Variants in BCL2 observed in about 807,000 individuals in gnomAD.
The protein encoded by BCL2 is BCL2 apoptosis regulator, also known as apoptosis regulator Bcl-2.
BCL2 carries 1 observed loss-of-function variant against 14.2 expected under a neutral mutation model. The ratio of observed to expected loss-of-function variants is 0.07; its 90% CI spans 0.02 to 0.33. The LOEUF is 0.33. BCL2 is among the 10% of genes least tolerant of loss of function. The probability of loss-of-function intolerance (pLI) is 0.99; values close to 1 mark genes in which losing one functional copy is unlikely to be tolerated. For missense variants in BCL2, 247 were observed against 305.9 expected, an observed-to-expected ratio of 0.81 and a Z score of 1.44; for synonymous variants, 151 against 137.2, an observed-to-expected ratio of 1.10 and a Z score of -0.70.
At chr18:63,213,312 T>A (rs1354645751) in intron 2 of BCL2, among the ~76,000 whole-genome samples, 1 of 152,214 alleles carries the variant, frequency 6.6e-6, no homozygotes, top group African/African-American at 2.4e-5. Flanking sequence ...TTAGTCAATA[T>A]GATTTGTGTC....
intron 2 of BCL2, among the ~76,000 whole-genome samples, chr18:63,239,403 A>G (rs1321072423): frequency 6.6e-6 from 1 of 152,210 alleles, no homozygotes; most frequent in African/African-American, 2.4e-5. Context: ...AGTTAATTCA[A>G]TAGATATTTG....
chr18:63,248,291 T>C (rs1911208342), intron 2 of BCL2, among the ~76,000 whole-genome samples: 1 of 152,258 alleles, frequency 6.6e-6, no homozygotes. Flanking sequence ...CCATCAGGCC[T>C]CTGGCTCATC....
intron 2 of BCL2, among the ~76,000 whole-genome samples, chr18:63,207,175 G>C (rs985229901): frequency 6.6e-6 from 1 of 152,220 alleles, no homozygotes; most frequent in Admixed American, 6.5e-5. Context: ...AAGAGGCACG[G>C]AGACCGCCAA....
At chr18:63,285,594 G>A (rs886391882) in intron 2 of BCL2, among the ~76,000 whole-genome samples, 9 of 152,206 alleles carry the variant, frequency 5.9e-5, no homozygotes, top group African/African-American at 2.2e-4. Flanking sequence ...GATGTGTTCA[G>A]GAGGCTTCTG....
rs369707569 is a variant in BCL2, at chr18:63,141,391, G to C, written c.586-12632C>G. ...ACCTGGCCTCAGACCCTCCTGCTGT[G>C]AGTTAGGAGGAGGCCTTTCTTGGCA... is the stretch of plus-strand genomic sequence containing the variant. On this transcript the variant is annotated intron_variant, in intron 2 of 2. Transcript: ENST00000333681. Among the ~76,000 whole-genome samples the C allele has an allele frequency of 5.9e-5, 9 of 151,932 alleles. No individual in the cohort carries two copies. The East Asian group carries it at 1.5e-3, about 26-fold the overall frequency.
intron 2 of BCL2, among the ~76,000 whole-genome samples, chr18:63,130,867 T>C (rs1346607402): frequency 6.6e-6 from 1 of 152,204 alleles, no homozygotes; most frequent in Non-Finnish European, 1.5e-5. Flanking sequence ...AGGGCTTGCC[T>C]TGAGCCATCC....
intron 2 of BCL2, among the ~76,000 whole-genome samples, chr18:63,294,277 C>T (rs1912738828): frequency 6.6e-6 from 1 of 152,032 alleles, no homozygotes; most frequent in South Asian, 2.1e-4. Context: ...AGGGAATGTG[C>T]TCCTGGGATG....
intron 2 of BCL2, among the ~76,000 whole-genome samples, chr18:63,307,431 C>T (rs1913179027): frequency 6.6e-6 from 1 of 152,230 alleles, no homozygotes. Flanking sequence ...GCAGTGACAG[C>T]TTGTGTTATT....
At chr18:63,235,059 C>T (rs1053419105) in intron 2 of BCL2, among the ~76,000 whole-genome samples, 10 of 152,130 alleles carry the variant, frequency 6.6e-5, no homozygotes, top group South Asian at 2.1e-4. Context: ...CCTGACTACT[C>T]GGTATGCAAA....
chr18:63,319,685 C>T lies in BCL2; in HGVS notation c.-798G>A. 4.6e-6 allele frequency: 1 copy of T among 217,608 alleles called. No individual in the cohort carries two copies. Among genetic ancestry groups the T allele is most frequent in the Non-Finnish European group, 9.3e-6 (1 of 108,036 alleles). The allele number at this position is 217,608 out of a possible 1,614,324, so 13.5% of individuals were successfully genotyped here. A position where few individuals can be genotyped will look rare whatever the true frequency, so the allele number is the denominator to read the frequency against. ...AACAGCAAATGCATTTTCCGAAAAG[C>T]TGCTGGATAAATGAAGGCAGGACGC... On this transcript the variant is annotated 5_prime_UTR_variant, in exon 1 of 3. Coordinates refer to ENST00000333681, the MANE Select transcript of BCL2 (RefSeq NM_000633.3).
chr18:63,178,899 CA>C (rs111876869), intron 2 of BCL2, among the ~76,000 whole-genome samples: 67,805 of 132,786 alleles, frequency 0.51, 16,413 homozygotes, highest in Non-Finnish European at 0.57. Context: ...GGGTTCAAGG[CA>C]AAAAAAAAAA....
intron 2 of BCL2, among the ~76,000 whole-genome samples, chr18:63,152,565 T>C (rs780417821): frequency 2.0e-5 from 3 of 152,230 alleles, no homozygotes; most frequent in African/African-American, 4.8e-5. Context: ...ATCTATTCTT[T>C]AATTTTCTAA....
intron 2 of BCL2, among the ~76,000 whole-genome samples, chr18:63,221,405 G>C (rs1185086598): frequency 1.3e-5 from 2 of 152,022 alleles, no homozygotes; most frequent in African/African-American, 4.8e-5. Flanking sequence ...ATATCACAGA[G>C]TTAAGTTTGG....
intron 2 of BCL2, among the ~76,000 whole-genome samples, chr18:63,303,199 C>T (rs1382640448): frequency 6.6e-6 from 1 of 152,182 alleles, no homozygotes; most frequent in Non-Finnish European, 1.5e-5. Context: ...GAGATCATTT[C>T]TCTGGAACCA....
At chr18:63,185,270 T>A (rs1481275525) in intron 2 of BCL2, among the ~76,000 whole-genome samples, 1 of 152,252 alleles carries the variant, frequency 6.6e-6, no homozygotes, top group South Asian at 2.1e-4. Context: ...AGTATTTCTA[T>A]GGAAAAGCAG....
Position 63,319,766 on chromosome 18 carries a change from G to C in BCL2, c.-879C>G. 9.8e-6 allele frequency: 2 copies of C among 205,098 alleles called. No individual in the cohort carries two copies. The highest frequency in any genetic ancestry group is 2.0e-5 in the Non-Finnish European group (2 of 99,992). The allele number at this position is 205,098 out of a possible 1,614,324, so 12.7% of individuals were successfully genotyped here. ...CCCGCGCTGTGTGTGGTGCGGCGAG[G>C]GGTGGGGAGAAGGAGGTGGTGGGGG... is the stretch of plus-strand genomic sequence containing the variant. On this transcript the variant is annotated 5_prime_UTR_variant, in exon 1 of 3. Coordinates refer to ENST00000333681, the MANE Select transcript of BCL2 (RefSeq NM_000633.3).
At chr18:63,307,710 T>C (rs569254564) in intron 2 of BCL2, among the ~76,000 whole-genome samples, 1 of 152,268 alleles carries the variant, frequency 6.6e-6, no homozygotes, top group African/African-American at 2.4e-5. Flanking sequence ...AACAGGCCAA[T>C]TATCTGGGTG....
At chr18:63,233,128 A>G (rs1012853406) in intron 2 of BCL2, among the ~76,000 whole-genome samples, 13 of 152,194 alleles carry the variant, frequency 8.5e-5, no homozygotes, top group Non-Finnish European at 1.6e-4. Flanking sequence ...TTAGAAGGGC[A>G]CTAAACCCAC....
intron 2 of BCL2, among the ~76,000 whole-genome samples, chr18:63,303,254 TG>T (rs1913020605): frequency 6.6e-6 from 1 of 152,206 alleles, no homozygotes; most frequent in African/African-American, 2.4e-5. Context: ...CTCTGACCCC[TG>T]TAAGAGCTTC....
Sources: gnomAD v4.1 joint callset for allele counts (sites outside exome capture counted in the v4.1 genomes callset) on GRCh38, gnomAD v4.1.1 for gene constraint, MANE v1.5 for transcripts, NCBI Gene and HGNC (gene_info 2026-07-23, HGNC 2026-07-21) for gene names.